The following TFEC variants were observed in gnomAD, a reference collection of about 807,000 sequenced individuals.
TFEC encodes the protein class E basic helix-loop-helix protein 34.
In TFEC, 31 loss-of-function variants were observed where a neutral mutation model predicts 41.6. The ratio of observed to expected loss-of-function variants is 0.74; its 90% confidence interval spans 0.56 to 1.01. TFEC has a LOEUF of 1.01. TFEC is among the 50% of genes least tolerant of loss of function. The pLI is 0.00. For missense variants in TFEC, 402 were observed against 404.1 expected (o/e 0.99, Z 0.04); for synonymous variants, 143 against 140.6 (o/e 1.02, Z -0.12).
At position 116,146,724 on chromosome 7, in the gene TFEC, A is replaced by G. The variant is rs112210345; in HGVS notation, c.-69+13066T>C. Reference sequence around the variant, plus strand: ...AAAAGTCCACCAAATACCAAGGAACAAACAATCATGAGGGAGAACCAAGAT... The same window carrying G: ...AAAAGTCCACCAAATACCAAGGAACGAACAATCATGAGGGAGAACCAAGAT... On this transcript the variant is annotated intron_variant, in intron 1 of 8. Coordinates refer to the TFEC transcript ENST00000484212. Among the ~76,000 whole-genome samples the G allele has an allele frequency of 3.2e-3, 495 of 152,322 alleles. 5 individuals are homozygous for G. Among genetic ancestry groups the G allele is most frequent in the African/African-American group, 0.011 (478 of 41,570 alleles).
chr7:115,954,754 G>A, intron 4 of TFEC, 112 bp from the exon 5 acceptor site: 1 of 748,700 alleles, frequency 1.3e-6, no homozygotes, highest in Non-Finnish European at 2.1e-6. Flanking sequence ...CTCCAAAACG[G>A]TACAATAATA....
chr7:115,998,294 G>A (rs527820180), intron 1 of TFEC, among the ~76,000 whole-genome samples: 45 of 151,944 alleles, frequency 3.0e-4, no homozygotes, highest in African/African-American at 1.0e-3. Context: ...TGCAAGCCTC[G>A]TGGTAACTCA....
chr7:115,970,961 G>A (rs1050010255), intron 3 of TFEC, among the ~76,000 whole-genome samples: 1 of 151,924 alleles, frequency 6.6e-6, no homozygotes, highest in Admixed American at 6.6e-5. Flanking sequence ...AATGTAAAAT[G>A]GACTAACGCA....
intron 3 of TFEC, among the ~76,000 whole-genome samples, chr7:116,108,308 G>C (rs905005443): frequency 2.0e-5 from 3 of 152,014 alleles, no homozygotes; most frequent in Non-Finnish European, 4.4e-5. Flanking sequence ...TATTGATATA[G>C]CTACTTCCTG....
At chr7:115,977,169 A>T (rs1404245) in intron 2 of TFEC, among the ~76,000 whole-genome samples, 129,446 of 152,092 alleles carry the variant, frequency 0.85, 55,219 homozygotes, top group Non-Finnish European at 0.89. Flanking sequence ...AAAAAGACAA[A>T]AAACACACCA....
At chr7:115,991,032 C>A (rs146839618) in intron 1 of TFEC, among the ~76,000 whole-genome samples, 243 of 152,330 alleles carry the variant, frequency 1.6e-3, no homozygotes, top group African/African-American at 5.6e-3. Flanking sequence ...CAGCTGATCT[C>A]TCCACAGAAA....
intron 1 of TFEC, among the ~76,000 whole-genome samples, chr7:116,025,571 A>G (rs1047055870): frequency 2.0e-5 from 3 of 152,162 alleles, no homozygotes; most frequent in Non-Finnish European, 4.4e-5. Flanking sequence ...TATTAATTCA[A>G]TGTGAAATCT....
chr7:116,046,897 C>T (rs575821073), intron 3 of TFEC, among the ~76,000 whole-genome samples: 1 of 152,276 alleles, frequency 6.6e-6, no homozygotes, highest in South Asian at 2.1e-4. Flanking sequence ...TGAGCTGTAA[C>T]ACAATCCCTT....
intron 1 of TFEC, among the ~76,000 whole-genome samples, chr7:116,025,298 T>C (rs1020607258): frequency 6.6e-6 from 1 of 152,114 alleles, no homozygotes; most frequent in Non-Finnish European, 1.5e-5. Context: ...GTATGAGACA[T>C]TGGCCCATTG....
chr7:116,005,450 CAA>C (rs1372331084), intron 1 of TFEC, among the ~76,000 whole-genome samples: 1 of 152,108 alleles, frequency 6.6e-6, no homozygotes, highest in African/African-American at 2.4e-5. Context: ...TATGTTTTAG[CAA>C]AGAGACTGGC....
chr7:115,968,805 A>T (rs1347474566), intron 3 of TFEC, among the ~76,000 whole-genome samples: 1 of 151,896 alleles, frequency 6.6e-6, no homozygotes, highest in Admixed American at 6.6e-5. Context: ...GCTGGATTCA[A>T]GGCCCTACTT....
chr7:116,104,669 C>T (rs1797676343), intron 3 of TFEC, among the ~76,000 whole-genome samples: 1 of 151,254 alleles, frequency 6.6e-6, no homozygotes. Context: ...CCCTTTTAAA[C>T]TCCCTCTATA....
At chr7:116,051,041 G>C (rs760648418) in intron 3 of TFEC, among the ~76,000 whole-genome samples, 1 of 152,114 alleles carries the variant, frequency 6.6e-6, no homozygotes, top group Non-Finnish European at 1.5e-5. Flanking sequence ...GCAAACTATT[G>C]CAAGGACAGA....
intron 3 of TFEC, among the ~76,000 whole-genome samples, chr7:116,043,235 T>G (rs541686211): frequency 9.8e-5 from 15 of 152,304 alleles, no homozygotes; most frequent in African/African-American, 3.4e-4. Flanking sequence ...TATAATGATT[T>G]TCCTGGAAGA....
intron 1 of TFEC, among the ~76,000 whole-genome samples, chr7:116,005,022 C>T (rs991879247): frequency 2.6e-5 from 4 of 152,162 alleles, no homozygotes; most frequent in Non-Finnish European, 5.9e-5. Context: ...CTCTTGTCTG[C>T]TGCCATGTGA....
chr7:115,962,615 G>A (rs1489241704), intron 3 of TFEC, among the ~76,000 whole-genome samples: 2 of 151,736 alleles, frequency 1.3e-5, no homozygotes, highest in Admixed American at 6.6e-5. Flanking sequence ...AACAAATGGT[G>A]TTGGAAAAAC....
intron 3 of TFEC, among the ~76,000 whole-genome samples, chr7:116,078,001 T>G (rs575546566): frequency 3.3e-5 from 5 of 152,152 alleles, no homozygotes; most frequent in African/African-American, 1.2e-4. Flanking sequence ...CATGGAACAT[T>G]CTCCAAGATA....
chr7:116,122,148 A>T (rs1277524110), intron 1 of TFEC, among the ~76,000 whole-genome samples: 2 of 152,056 alleles, frequency 1.3e-5, no homozygotes, highest in Non-Finnish European at 2.9e-5. Flanking sequence ...ACTTGGCATT[A>T]AAAAAGTGTT....
intron 2 of TFEC, among the ~76,000 whole-genome samples, chr7:115,981,643 T>C (rs1405176353): frequency 6.6e-6 from 1 of 152,192 alleles, no homozygotes; most frequent in Non-Finnish European, 1.5e-5. Context: ...TAGCATGTGC[T>C]GTGAGAATGC....
Sources: gnomAD v4.1 joint callset for allele counts (sites outside exome capture counted in the v4.1 genomes callset) on GRCh38, gnomAD v4.1.1 for gene constraint, MANE v1.5 for transcripts, NCBI Gene and HGNC (gene_info 2026-07-23, HGNC 2026-07-21) for gene names.